IL33: variants seen among roughly 807,000 people sequenced by gnomAD.
IL33 encodes the protein interleukin 33, also known as interleukin-33.
IL33 carries 37 observed loss-of-function variants against 27.3 expected under a neutral mutation model. The ratio of observed to expected loss-of-function variants is 1.36; its 90% CI spans 1.04 to 1.78. The LOEUF (loss-of-function observed/expected upper bound fraction) is 1.78. Among genes scored for constraint, IL33 ranks in the 40% most tolerant of loss-of-function variants. The pLI is 0.00. For synonymous variants in IL33, 132 were observed against 102.9 expected, an observed-to-expected ratio of 1.28 and a Z score of -1.71; for missense variants, 406 against 311.4, an observed-to-expected ratio of 1.30 and a Z score of -2.29.
intron 1 of IL33, among the ~76,000 whole-genome samples, chr9:6,218,243 T>C (rs984361475): frequency 1.3e-5 from 2 of 152,210 alleles, no homozygotes; most frequent in Admixed American, 6.5e-5. Context: ...TACTTCATAA[T>C]TGATTTCTTA....
Position 6,251,223 on chromosome 9 carries a change from G to A in IL33, c.301G>A (p.Val101Ile). Residue 101 changes from valine to isoleucine, a missense_variant, in exon 4 of 8, where the codon GTC becomes ATC. Physicochemically the swap from Val to Ile is conservative, Grantham distance 29 (BLOSUM62 3). Coordinates refer to ENST00000682010, the MANE Select transcript of IL33 (RefSeq NM_033439.4). ...GTGCTTTGCCTTTGGTATATCAGGG[G>A]TCCAGAAATATACTAGAGCACTTCA... ...VECFAFGISG[V>I]QKYTRALHDS... The A allele has an allele frequency of 1.2e-6, 2 of 1,613,930 alleles. No individual in the cohort carries two copies. The highest frequency in any genetic ancestry group is 1.7e-6 in the Non-Finnish European group (2 of 1,179,858).
In IL33 at chr9:6,253,584, C is replaced by T; in HGVS notation, c.502C>T (p.His168Tyr). 1 of 1,608,894 alleles carries T rather than the reference C, an allele frequency of 6.2e-7. No homozygotes were observed. Among genetic ancestry groups the T allele is most frequent in the East Asian group, 2.2e-5 (1 of 44,786 alleles). The change falls in exon 6 of 8, where the codon CAC becomes TAC. Residue 168 changes from histidine to tyrosine, a missense_variant. His to Tyr is a moderately conservative substitution (Grantham distance 83). Transcript: ENST00000682010. ...KVLLSYYESQHPSNESGDGVD... is the reference protein window; with the variant it reads ...KVLLSYYESQYPSNESGDGVD... ...GTTACTGAGTTACTATGAGTCTCAA[C>T]ACCCCTCAAATGAATCAGGTAATTT...
At chr9:6,250,697 T>A (rs746596268) in intron 3 of IL33, 98 bp downstream of exon 3, 71 of 1,402,128 alleles carry the variant, frequency 5.1e-5, no homozygotes, top group Non-Finnish European at 6.3e-5. Flanking sequence ...CACTCCAAGG[T>A]TCCTTTTGGA....
chr9:6,241,052 T>G (rs1819497039), intron 1 of IL33, among the ~76,000 whole-genome samples: 1 of 152,152 alleles, frequency 6.6e-6, no homozygotes, highest in South Asian at 2.1e-4. Flanking sequence ...TATCACTGTC[T>G]TTCACTTCCA....
At chr9:6,254,379 C>A in intron 6 of IL33, 83 bp from the exon 7 acceptor site, 1 of 837,874 alleles carries the variant, frequency 1.2e-6, no homozygotes, top group Non-Finnish European at 1.8e-6. Context: ...ACATCTTAGA[C>A]TTTTTTCCTG....
intron 1 of IL33, among the ~76,000 whole-genome samples, chr9:6,230,298 T>A (rs1818864152): frequency 6.6e-6 from 1 of 152,148 alleles, no homozygotes; most frequent in Non-Finnish European, 1.5e-5. Context: ...CTACTAGGTA[T>A]CTTTATAGAG....
intron 1 of IL33, among the ~76,000 whole-genome samples, chr9:6,228,965 T>C (rs1432867357): frequency 1.3e-5 from 2 of 152,160 alleles, no homozygotes; most frequent in East Asian, 3.9e-4. Context: ...AATTTTGTCC[T>C]GCTGTAAGGT....
At chr9:6,231,770 C>G (rs1468396981) in intron 1 of IL33, among the ~76,000 whole-genome samples, 1 of 152,188 alleles carries the variant, frequency 6.6e-6, no homozygotes, top group Non-Finnish European at 1.5e-5. Flanking sequence ...GCAAATCCAG[C>G]ATCATTTGTG....
At chr9:6,216,513 T>C (rs1818149353) in intron 1 of IL33, among the ~76,000 whole-genome samples, 1 of 152,112 alleles carries the variant, frequency 6.6e-6, no homozygotes, top group South Asian at 2.1e-4. Flanking sequence ...GGTGGGTGAA[T>C]CGCCTGAGGT....
chr9:6,252,507 G>A (rs2130444140), intron 4 of IL33, among the ~76,000 whole-genome samples: 1 of 152,278 alleles, frequency 6.6e-6, no homozygotes, highest in East Asian at 1.9e-4. Flanking sequence ...ATTTATCCAT[G>A]TCTATCAAAA....
chr9:6,252,056 C>CAAACAAAA lies in IL33; in HGVS notation c.343+794_343+795insCAAAAAAA, dbSNP rs747766571. On this transcript the variant is annotated intron_variant, in intron 4 of 7. Coordinates refer to ENST00000682010, the MANE Select transcript of IL33 (RefSeq NM_033439.4). ...CTCAGAAAAAAAACAAACAAACAAA[C>CAAACAAAA]AAAAAAAAACCCAACAAAAAACAAA... Among the ~76,000 whole-genome samples, 34 of 114,280 alleles carry CAAACAAAA rather than the reference C, an allele frequency of 3.0e-4. 2 individuals are homozygous for CAAACAAAA. Among genetic ancestry groups the CAAACAAAA allele is most frequent in the Admixed American group, 8.7e-4 (8 of 9,146 alleles). 75.0% of individuals were successfully genotyped at this position (114,280 alleles called of 152,430 possible).
At position 6,256,517 on chromosome 9, in the gene IL33, G is replaced by T; in HGVS notation, c.*349G>T. 2.5e-6 allele frequency: 1 copy of T among 392,468 alleles called. No individual in the cohort carries two copies. Among genetic ancestry groups the T allele is most frequent in the Non-Finnish European group, 4.5e-6 (1 of 221,086 alleles). The allele number at this position is 392,468 out of a possible 1,614,324, so 24.3% of individuals were successfully genotyped here. ...TAAGGCCACTGAGGAAAGAGCCATAGCTTAAGTCTCTATGTAGACAGGGAT... is the reference window on the plus strand; with the variant it reads ...TAAGGCCACTGAGGAAAGAGCCATATCTTAAGTCTCTATGTAGACAGGGAT... On this transcript the variant is annotated 3_prime_UTR_variant, in exon 8 of 8. Transcript: ENST00000682010.
chr9:6,222,603 A>G (rs1818458670), intron 1 of IL33, among the ~76,000 whole-genome samples: 1 of 152,222 alleles, frequency 6.6e-6, no homozygotes, highest in South Asian at 2.1e-4. Flanking sequence ...TGCAAAAGTT[A>G]TGCTTTCTGT....
intron 1 of IL33, among the ~76,000 whole-genome samples, chr9:6,238,933 G>C (rs555575886): frequency 6.6e-6 from 1 of 152,106 alleles, no homozygotes; most frequent in Non-Finnish European, 1.5e-5. Flanking sequence ...TATTTTTTCA[G>C]TACGATACAG....
At chr9:6,254,410 A>G in intron 6 of IL33, 52 bp from the exon 7 acceptor site, 1 of 1,185,490 alleles carries the variant, frequency 8.4e-7, no homozygotes. Context: ...TCATTTAAAT[A>G]AAGATGAGTT....
At chr9:6,221,182 C>T (rs1818397812) in intron 1 of IL33, among the ~76,000 whole-genome samples, 1 of 151,984 alleles carries the variant, frequency 6.6e-6, no homozygotes, top group South Asian at 2.1e-4. Context: ...GTTTTTTCCC[C>T]CATAAGAAAA....
intron 1 of IL33, among the ~76,000 whole-genome samples, chr9:6,229,843 A>T (rs1421828071): frequency 6.6e-6 from 1 of 152,166 alleles, no homozygotes; most frequent in Non-Finnish European, 1.5e-5. Flanking sequence ...TATATAATAG[A>T]TAAGGAAGGG....
chr9:6,242,057 T>C (rs936524297), intron 2 of IL33: 17 of 209,044 alleles, frequency 8.1e-5, no homozygotes, highest in Admixed American at 2.2e-4. Flanking sequence ...TTATAGCCTT[T>C]TATATCAACC....
rs1396712749 is a variant in IL33 at position 6,257,482 on chromosome 9, TTTTG to T, written c.*1318_*1321del. ...ATGGCAATATTTTTTTGCTAAACGT[TTTTG>T]TTTTTTACTGTCACTAGGGCAATAA... On this transcript the variant is annotated 3_prime_UTR_variant, in exon 8 of 8. Transcript: ENST00000682010. The T allele has an allele frequency of 6.6e-6, 1 of 152,620 alleles. No homozygotes were observed. Among genetic ancestry groups the T allele is most frequent in the African/African-American group, 2.4e-5 (1 of 41,454 alleles). 9.5% of individuals were successfully genotyped at this position (152,620 alleles called of 1,614,324 possible).
Sources: allele counts gnomAD v4.1 joint callset (sites outside exome capture counted in the v4.1 genomes callset), GRCh38; gene constraint gnomAD v4.1.1; transcripts MANE v1.5; gene names NCBI Gene and HGNC (gene_info 2026-07-23, HGNC 2026-07-21).